The following NHSL1 variants were observed in gnomAD, a reference collection of about 807,000 sequenced individuals.
NHSL1 encodes the protein NHS like 1, also known as NHS-like protein 1.
A neutral mutation model predicts 95.0 loss-of-function variants in NHSL1; 48 were observed. The ratio of observed to expected loss-of-function variants is 0.51; its 90% CI spans 0.40 to 0.64. The LOEUF is 0.64. NHSL1 is among the 30% of genes least tolerant of loss of function. NHSL1 has a pLI of 0.00. For missense variants in NHSL1, 1,971 were observed against 2,077.7 expected (o/e 0.95, Z 1.00); for synonymous variants, 783 against 833.9 (o/e 0.94, Z 1.05).
chr6:138,440,177 CAGTT>C, intron 5 of NHSL1, among the ~76,000 whole-genome samples: 1 of 152,248 alleles, frequency 6.6e-6, no homozygotes, highest in South Asian at 2.1e-4. Flanking sequence ...CTAAAAAGAC[CAGTT>C]AAAGTATAAA....
At chr6:138,691,317 C>T (rs1785665651) in intron 1 of NHSL1, among the ~76,000 whole-genome samples, 1 of 151,912 alleles carries the variant, frequency 6.6e-6, no homozygotes, top group East Asian at 1.9e-4. Flanking sequence ...AAGAGATGAA[C>T]GCAAAAATGT....
At chr6:138,615,775 T>C (rs917195131) in intron 1 of NHSL1, among the ~76,000 whole-genome samples, 2 of 152,190 alleles carry the variant, frequency 1.3e-5, no homozygotes, top group African/African-American at 4.8e-5. Flanking sequence ...CTGTCCCAAA[T>C]CAGGTTCTTA....
intron 7 of NHSL1, among the ~76,000 whole-genome samples, chr6:138,427,449 G>T (rs889201339): frequency 1.8e-5 from 2 of 108,338 alleles, no homozygotes; most frequent in Admixed American, 1.9e-4. Context: ...GTATCAAAAA[G>T]AAAAAAAAAA....
intron 1 of NHSL1, among the ~76,000 whole-genome samples, chr6:138,651,946 T>A (rs1257160645): frequency 6.6e-6 from 1 of 152,176 alleles, no homozygotes; most frequent in South Asian, 2.1e-4. Flanking sequence ...ATAAGTATAC[T>A]CAATGTTAAT....
chr6:138,632,728 T>C lies in NHSL1; in HGVS notation c.96+59748A>G, dbSNP rs150262205. On this transcript the variant is annotated intron_variant, in intron 1 of 3. Transcript: ENST00000491526. Reference sequence around the variant, plus strand: ...AGTCCTTTTGAATATCTGGAAAGCCTTCCCAAGAAGCATTGGTACATCAAG... The same window carrying C: ...AGTCCTTTTGAATATCTGGAAAGCCCTCCCAAGAAGCATTGGTACATCAAG... Among the ~76,000 whole-genome samples the C allele has an allele frequency of 2.3e-3, 345 of 152,272 alleles. 1 individual carries two copies. The highest frequency in any genetic ancestry group is 7.7e-3 in the African/African-American group (320 of 41,566).
chr6:138,614,715 C>T (rs1235338218), intron 1 of NHSL1, among the ~76,000 whole-genome samples: 2 of 152,154 alleles, frequency 1.3e-5, no homozygotes, highest in Admixed American at 1.3e-4. Flanking sequence ...AACTGGGCCA[C>T]ACAGCAGGAG....
chr6:138,574,909 T>A (rs192966278), upstream of NHSL1, among the ~76,000 whole-genome samples: 1 of 152,170 alleles, frequency 6.6e-6, no homozygotes, highest in Non-Finnish European at 1.5e-5. Flanking sequence ...TGTGTTCTTC[T>A]TTTTTTGGAG....
chr6:138,625,786 C>T (rs933544930), intron 1 of NHSL1, among the ~76,000 whole-genome samples: 8 of 152,038 alleles, frequency 5.3e-5, no homozygotes, highest in Admixed American at 5.2e-4. Context: ...AGACTATAGG[C>T]ACACACCACC....
At chr6:138,616,119 C>T (rs575576350) in intron 1 of NHSL1, among the ~76,000 whole-genome samples, 1 of 152,318 alleles carries the variant, frequency 6.6e-6, no homozygotes. Context: ...TAAATCTATT[C>T]TGATTTGCTA....
rs559696685 is a variant in NHSL1, at chr6:138,563,254, G to A, written c.202+8456C>T. On this transcript the variant is annotated intron_variant, in intron 1 of 6. Coordinates refer to the NHSL1 transcript ENST00000427025. Reference sequence around the variant, plus strand: ...GTTTTAATAATAGTGTCTCGCCACGGTAAACATTCACTAAATATTAGCTAT... The same window carrying A: ...GTTTTAATAATAGTGTCTCGCCACGATAAACATTCACTAAATATTAGCTAT... 4.6e-5 allele frequency among the ~76,000 whole-genome samples: 7 copies of A among 152,264 alleles called. No individual in the cohort carries two copies. In the South Asian group the frequency reaches 1.4e-3, roughly 32 times the overall value.
At chr6:138,425,457 G>C (rs757635653) in intron 7 of NHSL1, among the ~76,000 whole-genome samples, 1 of 152,160 alleles carries the variant, frequency 6.6e-6, no homozygotes, top group African/African-American at 2.4e-5. Context: ...ACAGCTCACT[G>C]CAAGACCGCA....
intron 2 of NHSL1, among the ~76,000 whole-genome samples, chr6:138,494,130 T>C (rs1780219433): frequency 6.6e-6 from 1 of 152,212 alleles, no homozygotes; most frequent in Non-Finnish European, 1.5e-5. Flanking sequence ...AAATCTATGG[T>C]GAACCTATGG....
chr6:138,451,139 CACTGTTATCTCCCTG>C (rs1352682394), intron 3 of NHSL1, among the ~76,000 whole-genome samples: 1 of 152,090 alleles, frequency 6.6e-6, no homozygotes, highest in African/African-American at 2.4e-5. Context: ...ACCAGCTGGC[CACTGTTATCTCCCTG>C]ACTGCATTTC....
intron 3 of NHSL1, among the ~76,000 whole-genome samples, chr6:138,472,434 C>T (rs941610016): frequency 4.6e-5 from 7 of 152,004 alleles, no homozygotes; most frequent in Admixed American, 2.0e-4. Flanking sequence ...TTTTGATCAA[C>T]TATTATTTTA....
At chr6:138,568,730 T>G (rs970274712) in intron 1 of NHSL1, among the ~76,000 whole-genome samples, 26 of 152,330 alleles carry the variant, frequency 1.7e-4, no homozygotes, top group African/African-American at 6.0e-4. Flanking sequence ...CTTTTTAAGC[T>G]GAGGAACAGT....
chr6:138,501,790 C>T (rs1040678790), upstream of NHSL1, among the ~76,000 whole-genome samples: 1 of 152,172 alleles, frequency 6.6e-6, no homozygotes, highest in African/African-American at 2.4e-5. Flanking sequence ...ATGCTCCAGT[C>T]CCTGATATAA....
At position 138,485,314 on chromosome 6, in the gene NHSL1, A is replaced by C. The variant is rs140638439; in HGVS notation, c.211+10905T>G. ...CGGGAGTTAAAATAGAATTGCTGAA[A>C]CAGCAGACTGGCTACAGACACAAAA... On this transcript the variant is annotated intron_variant, in intron 2 of 7. Transcript: ENST00000343505. Among the ~76,000 whole-genome samples the C allele has an allele frequency of 3.3e-3, 495 of 152,298 alleles. 2 individuals are homozygous for C. The highest frequency in any genetic ancestry group is 0.012 in the African/African-American group (488 of 41,560).
At chr6:138,449,286 G>A (rs946451590) in intron 3 of NHSL1, among the ~76,000 whole-genome samples, 4 of 152,168 alleles carry the variant, frequency 2.6e-5, no homozygotes, top group African/African-American at 9.7e-5. Flanking sequence ...TTCCTTTGCT[G>A]TAAAATGGGG....
chr6:138,557,415 A>T (rs1481055102), intron 1 of NHSL1, among the ~76,000 whole-genome samples: 2 of 152,152 alleles, frequency 1.3e-5, no homozygotes, highest in Admixed American at 1.3e-4. Context: ...AGACCCCCCC[A>T]CACAAGGTAA....
Sources: allele counts gnomAD v4.1 joint callset (sites outside exome capture counted in the v4.1 genomes callset), GRCh38; gene constraint gnomAD v4.1.1; transcripts MANE v1.5; gene names NCBI Gene and HGNC (gene_info 2026-07-23, HGNC 2026-07-21).